Variants in MACROD2 observed in about 807,000 individuals in gnomAD.
MACROD2 encodes ADP-ribose glycohydrolase MACROD2.
A neutral mutation model predicts 70.4 loss-of-function variants in MACROD2; 36 were observed. That is an observed-to-expected ratio of 0.51 (90% CI 0.39 to 0.68). The LOEUF is 0.68. Among genes scored for constraint, MACROD2 ranks in the 30% least tolerant of loss-of-function variants. The pLI, the probability that MACROD2 is intolerant of heterozygous loss-of-function variation, is 0.00. For synonymous variants in MACROD2, 172 were observed against 178.8 expected (o/e 0.96, Z 0.30); for missense variants, 496 against 538.4 (o/e 0.92, Z 0.78).
At chr20:15,761,888 T>C (rs1017275984) in intron 8 of MACROD2, among the ~76,000 whole-genome samples, 2 of 152,198 alleles carry the variant, frequency 1.3e-5, no homozygotes, top group Non-Finnish European at 2.9e-5. Flanking sequence ...TTCTAAAGCT[T>C]TCTTTAAATT....
chr20:14,004,289 C>G (rs771857644), intron 2 of MACROD2, among the ~76,000 whole-genome samples: 2 of 152,178 alleles, frequency 1.3e-5, no homozygotes, highest in Non-Finnish European at 2.9e-5. Flanking sequence ...TATCCTCTAA[C>G]AAGATATTGC....
At chr20:14,193,991 G>T (rs1283661459) in intron 3 of MACROD2, among the ~76,000 whole-genome samples, 1 of 152,184 alleles carries the variant, frequency 6.6e-6, no homozygotes, top group African/African-American at 2.4e-5. Flanking sequence ...CCAATTGAAG[G>T]AGTGCTAACC....
rs115602186 is a variant in MACROD2, at chr20:15,558,442, A to G, written c.645+58595A>G. The stretch of plus-strand genomic sequence containing the variant: ...TATTACTTTCAATGGCAAAAAACAC[A>G]ATTACTTTTGCACCAACCTAATGCT... On this transcript the variant is annotated intron_variant, in intron 8 of 17. Transcript: ENST00000684519. Among the ~76,000 whole-genome samples, 1,261 of 152,330 alleles carry G rather than the reference A, an allele frequency of 8.3e-3. 8 individuals are homozygous for G. Among genetic ancestry groups the G allele is most frequent in the African/African-American group, 0.028 (1,164 of 41,580 alleles).
intron 7 of MACROD2, among the ~76,000 whole-genome samples, chr20:15,481,942 C>T (rs1418375848): frequency 1.3e-5 from 2 of 151,994 alleles, no homozygotes. Flanking sequence ...CTACGGAAGT[C>T]TTTACGGGAT....
intron 3 of MACROD2, among the ~76,000 whole-genome samples, chr20:14,286,625 G>T (rs541150575): frequency 5.4e-4 from 82 of 151,976 alleles, no homozygotes; most frequent in South Asian, 1.7e-3. Flanking sequence ...TTGTTTTTCT[G>T]CCTCACTCCA....
intron 5 of MACROD2, among the ~76,000 whole-genome samples, chr20:14,772,366 G>A (rs972754870): frequency 2.0e-5 from 3 of 152,048 alleles, no homozygotes; most frequent in Non-Finnish European, 2.9e-5. Flanking sequence ...AGACTGGGAA[G>A]TTTATATAAG....
chr20:15,812,138 T>C (rs917963595), intron 8 of MACROD2, among the ~76,000 whole-genome samples: 2 of 152,216 alleles, frequency 1.3e-5, no homozygotes, highest in African/African-American at 4.8e-5. Flanking sequence ...AAGCTGCTTA[T>C]GAGATTGTAA....
At chr20:15,312,038 A>C (rs914578274) in intron 6 of MACROD2, among the ~76,000 whole-genome samples, 2 of 152,194 alleles carry the variant, frequency 1.3e-5, no homozygotes, top group African/African-American at 4.8e-5. Flanking sequence ...AAATAAACAA[A>C]AAAAATTAAA....
chr20:15,571,369 A>T (rs2048374119), intron 8 of MACROD2, among the ~76,000 whole-genome samples: 1 of 151,800 alleles, frequency 6.6e-6, no homozygotes, highest in Non-Finnish European at 1.5e-5. Flanking sequence ...TATTTTACAG[A>T]TGTATCTCTG....
At chr20:14,674,437 C>A (rs1046289049) in intron 4 of MACROD2, among the ~76,000 whole-genome samples, 2 of 152,030 alleles carry the variant, frequency 1.3e-5, no homozygotes, top group Non-Finnish European at 2.9e-5. Context: ...ATACTTGCTG[C>A]GTGCCAGACA....
chr20:14,420,448 A>T (rs2083862626), intron 3 of MACROD2, among the ~76,000 whole-genome samples: 1 of 151,986 alleles, frequency 6.6e-6, no homozygotes, highest in Non-Finnish European at 1.5e-5. Context: ...TGAAATTTTT[A>T]TTTGCATTTC....
At position 14,848,482 on chromosome 20, in the gene MACROD2, T is replaced by C. The variant is rs561328727; in HGVS notation, c.418+163523T>C. 3.9e-5 allele frequency among the ~76,000 whole-genome samples: 6 copies of C among 152,210 alleles called. No homozygotes were observed. In the East Asian group the frequency reaches 1.2e-3, roughly 29 times the overall value. ...CTTTGAGTATGCTGTTTTTATTTAATTCTCACAATATCTGGAGATAGTAAT... is the reference window on the plus strand; with the variant it reads ...CTTTGAGTATGCTGTTTTTATTTAACTCTCACAATATCTGGAGATAGTAAT... On this transcript the variant is annotated intron_variant, in intron 5 of 17. Coordinates refer to ENST00000684519, the MANE Select transcript of MACROD2 (RefSeq NM_001351661.2).
At chr20:14,526,261 CT>C (rs539372021) in intron 4 of MACROD2, among the ~76,000 whole-genome samples, 13 of 151,948 alleles carry the variant, frequency 8.6e-5, no homozygotes, top group South Asian at 4.1e-4. Context: ...TTGTCATATT[CT>C]TTTTTTTATT....
intron 13 of MACROD2, among the ~76,000 whole-genome samples, chr20:15,977,702 A>G (rs1320067387): frequency 6.6e-6 from 1 of 152,224 alleles, no homozygotes; most frequent in Non-Finnish European, 1.5e-5. Context: ...AAAGACAGAC[A>G]CAACTACATC....
At chr20:15,828,614 G>A (rs1306977980) in intron 8 of MACROD2, among the ~76,000 whole-genome samples, 1 of 152,082 alleles carries the variant, frequency 6.6e-6, no homozygotes, top group Admixed American at 6.6e-5. Flanking sequence ...ATATTTTCAC[G>A]GTGGATTTTA....
intron 5 of MACROD2, among the ~76,000 whole-genome samples, chr20:15,186,130 G>A (rs764533279): frequency 6.6e-6 from 1 of 151,924 alleles, no homozygotes; most frequent in African/African-American, 2.4e-5. Flanking sequence ...TTTCTGGAGC[G>A]CCCTGAACTT....
chr20:15,909,342 T>C (rs541515932), intron 10 of MACROD2, among the ~76,000 whole-genome samples: 2 of 152,190 alleles, frequency 1.3e-5, no homozygotes, highest in East Asian at 3.9e-4. Context: ...TTGGTTGAGG[T>C]TAACAAGTCC....
At chr20:14,668,956 G>A (rs1298424685) in intron 4 of MACROD2, among the ~76,000 whole-genome samples, 1 of 151,978 alleles carries the variant, frequency 6.6e-6, no homozygotes, top group Non-Finnish European at 1.5e-5. Context: ...AAATAATTAG[G>A]TCTTTGCTAA....
intron 5 of MACROD2, among the ~76,000 whole-genome samples, chr20:14,960,531 T>C (rs16995186): frequency 0.035 from 5,266 of 152,312 alleles, 305 homozygotes; most frequent in African/African-American, 0.12. Flanking sequence ...TTTCTTTTAT[T>C]ATATGGAGGA....
Sources: gnomAD v4.1 joint callset for allele counts (sites outside exome capture counted in the v4.1 genomes callset) on GRCh38, gnomAD v4.1.1 for gene constraint, MANE v1.5 for transcripts, NCBI Gene and HGNC (gene_info 2026-07-23, HGNC 2026-07-21) for gene names.